Variants in SLC2A14 observed in about 807,000 individuals in gnomAD.
SLC2A14 encodes the protein solute carrier family 2, facilitated glucose transporter member 14.
SLC2A14 carries 13 observed loss-of-function variants against 43.0 expected under a neutral mutation model. That is an observed-to-expected ratio of 0.30 (90% CI 0.20 to 0.48). The LOEUF is 0.48. SLC2A14 is among the 20% of genes least tolerant of loss of function. The pLI, the probability that SLC2A14 is intolerant of heterozygous loss-of-function variation, is 0.99. For synonymous variants in SLC2A14, 190 were observed against 233.8 expected (o/e 0.81, Z 1.71); for missense variants, 428 against 620.4 (o/e 0.69, Z 3.29).
intron 2 of SLC2A14, chr12:7,863,509 C>T (rs2121013976): frequency 2.4e-6 from 1 of 417,182 alleles, no homozygotes; most frequent in Non-Finnish European, 4.8e-6. Flanking sequence ...TGCCTGTAGT[C>T]CCAGCTACCT....
In SLC2A14 at chr12:7,829,754, G is replaced by A. The variant is rs768768238; in HGVS notation, c.513+12C>T. ...AACTAACACTCATTAAGTATGAGAA[G>A]TTCTAGAGTACCTGGGCCACCAGAA... On this transcript the variant is annotated intron_variant, in intron 5 of 10. Transcript: ENST00000431042. 8 of 1,614,034 alleles carry A rather than the reference G, an allele frequency of 5.0e-6. No individual in the cohort carries two copies. The highest frequency in any genetic ancestry group is 3.3e-5 in the South Asian group (3 of 91,078).
At chr12:7,856,529 A>G (rs987826271) in intron 2 of SLC2A14, 11 of 152,162 alleles carry the variant, frequency 7.2e-5, no homozygotes, top group African/African-American at 2.7e-4. Context: ...ACTTTCTTCT[A>G]CTTTGCAAAA....
intron 1 of SLC2A14, among the ~76,000 whole-genome samples, chr12:7,880,073 C>A (rs1036625338): frequency 1.2e-4 from 18 of 150,610 alleles, no homozygotes; most frequent in Non-Finnish European, 8.8e-5. Flanking sequence ...GAGGCCGAGG[C>A]GGGTGGATCA....
At chr12:7,827,834 G>A in intron 6 of SLC2A14, 152 bp from the exon 7 acceptor site, 1 of 1,462,870 alleles carries the variant, frequency 6.8e-7, no homozygotes, top group Non-Finnish European at 9.1e-7. Flanking sequence ...TTTAGGGGCT[G>A]AAAATTTTAC....
At chr12:7,827,099 T>TTCTTTCTCTTTCTC (rs1864555249) in intron 7 of SLC2A14, among the ~76,000 whole-genome samples, 6 of 133,308 alleles carry the variant, frequency 4.5e-5, no homozygotes, top group African/African-American at 1.8e-4. Flanking sequence ...TTCTTTCTCT[T>TTCTTTCTCTTTCTC]TCTTTCTTTC....
chr12:7,847,783 A>C (rs977386211), intron 2 of SLC2A14, among the ~76,000 whole-genome samples: 2 of 152,178 alleles, frequency 1.3e-5, no homozygotes. Context: ...GCAGTGACAG[A>C]AGCAGAAACA....
At chr12:7,875,716 T>C (rs1352013762), upstream of SLC2A14, among the ~76,000 whole-genome samples, 1 of 151,970 alleles carries the variant, frequency 6.6e-6, no homozygotes, top group Non-Finnish European at 1.5e-5. Flanking sequence ...CTCAAGCCTG[T>C]AATCCTAACA....
intron 1 of SLC2A14, 112 bp from the exon 2 acceptor site, chr12:7,870,049 GAAGAA>G (rs1945141324): frequency 1.9e-6 from 1 of 534,448 alleles, no homozygotes; most frequent in Non-Finnish European, 3.2e-6. Flanking sequence ...AATACTTCTG[GAAGAA>G]AAGTGAAAAT....
intron 2 of SLC2A14, among the ~76,000 whole-genome samples, chr12:7,854,777 G>A (rs1324051983): frequency 1.3e-5 from 2 of 151,572 alleles, no homozygotes; most frequent in Non-Finnish European, 2.9e-5. Flanking sequence ...TCGACCTCCC[G>A]AAATTCTGGG....
chr12:7,852,539 T>G (rs1867022688), intron 2 of SLC2A14, among the ~76,000 whole-genome samples: 1 of 152,156 alleles, frequency 6.6e-6, no homozygotes, highest in Non-Finnish European at 1.5e-5. Context: ...AGAAATACCA[T>G]AGTCCCAAAT....
At chr12:7,875,035 A>T (rs1945427892), upstream of SLC2A14, among the ~76,000 whole-genome samples, 1 of 113,146 alleles carries the variant, frequency 8.8e-6, no homozygotes, top group African/African-American at 3.6e-5. Context: ...AAATACATAT[A>T]TAAATATATA....
intron 9 of SLC2A14, 62 bp from the exon 10 acceptor site, chr12:7,818,096 C>T (rs1863633363): frequency 5.3e-6 from 8 of 1,511,620 alleles, no homozygotes; most frequent in South Asian, 1.3e-5. Flanking sequence ...GATCTAGGTT[C>T]CCAGAGGCAA....
chr12:7,856,489 T>C (rs899698655), intron 2 of SLC2A14: 1 of 152,148 alleles, frequency 6.6e-6, no homozygotes, highest in Non-Finnish European at 1.5e-5. Context: ...ATGTGTGTGG[T>C]TTGCTCATTT....
chr12:7,836,377 C>T (rs774248412), intron 2 of SLC2A14, among the ~76,000 whole-genome samples: 37 of 152,234 alleles, frequency 2.4e-4, no homozygotes, highest in East Asian at 1.6e-3. Context: ...TGTGCCACCA[C>T]GCCCAGCTAA....
At chr12:7,818,612 A>C (rs1863673991) in intron 9 of SLC2A14, among the ~76,000 whole-genome samples, 1 of 152,130 alleles carries the variant, frequency 6.6e-6, no homozygotes, top group African/African-American at 2.4e-5. Flanking sequence ...CAGTGAGCCA[A>C]GATGGCGACA....
intron 10 of SLC2A14, among the ~76,000 whole-genome samples, chr12:7,815,159 C>G (rs1863322578): frequency 6.6e-6 from 1 of 151,582 alleles, no homozygotes; most frequent in African/African-American, 2.4e-5. Context: ...GCCTGTAATC[C>G]CAGCACTTTT....
chr12:7,871,125 TG>T, intron 1 of SLC2A14: 1 of 1,335,956 alleles, frequency 7.5e-7, no homozygotes, highest in South Asian at 1.3e-5. Flanking sequence ...TCACCATGTT[TG>T]GGGAGAAGCT....
intron 5 of SLC2A14, 120 bp downstream of exon 5, chr12:7,829,646 A>T (rs2120769060): frequency 7.2e-7 from 1 of 1,384,422 alleles, no homozygotes; most frequent in Non-Finnish European, 9.8e-7. Flanking sequence ...ACTATCTATT[A>T]TCTAAAACTT....
chr12:7,857,605 A>G (rs1048806929), intron 2 of SLC2A14, among the ~76,000 whole-genome samples: 1 of 151,982 alleles, frequency 6.6e-6, no homozygotes, highest in Non-Finnish European at 1.5e-5. Flanking sequence ...AAACAAAACA[A>G]ACACATATAT....
Sources: gnomAD v4.1 joint callset for allele counts (sites outside exome capture counted in the v4.1 genomes callset) on GRCh38, gnomAD v4.1.1 for gene constraint, MANE v1.5 for transcripts, NCBI Gene and HGNC (gene_info 2026-07-23, HGNC 2026-07-21) for gene names.